Variants in CLVS2 observed in about 807,000 individuals in gnomAD.
CLVS2 encodes clavesin-2.
Under a neutral mutation model 29.0 loss-of-function variants are expected in CLVS2, and 19 were observed. The observed-to-expected ratio is 0.66, with a 90% CI of 0.46 to 0.96. The LOEUF is 0.96. Ranked by LOEUF, CLVS2 falls within the 40% of genes least tolerant of loss-of-function variation. CLVS2 has a pLI of 0.00. For synonymous variants in CLVS2, 161 were observed against 151.3 expected (o/e 1.06, Z -0.47); for missense variants, 294 against 404.1 (o/e 0.73, Z 2.34).
At position 122,997,805 on chromosome 6, in the gene CLVS2, C is replaced by T; in HGVS notation, c.28C>T (p.Pro10Ser). 6.2e-7 allele frequency: 1 copy of T among 1,614,030 alleles called. No homozygotes were observed. Residue 10 changes from proline (P) to serine (S), a missense_variant, in exon 2 of 6, where the codon CCT becomes TCT. Pro to Ser is a moderately conservative substitution (Grantham distance 74). Transcript: ENST00000275162. ...GACTCATTTGCAAGCCGGTCTCTCC[C>T]CTGAGACCCTGGAGAAAGCTCGCCT... MTHLQAGLS[P>S]ETLEKARLEL... is the part of the protein sequence containing the mutation.
chr6:123,007,173 T>C (rs1774681204), intron 2 of CLVS2, among the ~76,000 whole-genome samples: 1 of 152,188 alleles, frequency 6.6e-6, no homozygotes, highest in South Asian at 2.1e-4. Context: ...GAATATGTGA[T>C]TGTTGAAAAA....
chr6:123,032,408 C>T (rs183247796), intron 3 of CLVS2, among the ~76,000 whole-genome samples: 4 of 152,040 alleles, frequency 2.6e-5, no homozygotes, highest in Non-Finnish European at 5.9e-5. Flanking sequence ...TATAATGATA[C>T]TTACTTTATC....
intron 3 of CLVS2, among the ~76,000 whole-genome samples, chr6:123,012,695 A>C (rs1259283634): frequency 6.6e-6 from 1 of 152,040 alleles, no homozygotes; most frequent in African/African-American, 2.4e-5. Context: ...CTACACTCAG[A>C]TGAAACCTCT....
chr6:123,017,986 T>C (rs1215771799), intron 3 of CLVS2, among the ~76,000 whole-genome samples: 1 of 152,076 alleles, frequency 6.6e-6, no homozygotes, highest in Non-Finnish European at 1.5e-5. Flanking sequence ...AATTTAATAC[T>C]TCTACACCTT....
intron 2 of CLVS2, among the ~76,000 whole-genome samples, chr6:123,004,390 G>C (rs1774633739): frequency 6.6e-6 from 1 of 152,128 alleles, no homozygotes; most frequent in South Asian, 2.1e-4. Flanking sequence ...TTAAAGCAAG[G>C]CTCAGACATC....
chr6:123,001,305 G>C (rs1774586346), intron 2 of CLVS2, among the ~76,000 whole-genome samples: 1 of 152,078 alleles, frequency 6.6e-6, no homozygotes, highest in Non-Finnish European at 1.5e-5. Context: ...GTAAAGAATT[G>C]GATGATTTCC....
intron 2 of CLVS2, among the ~76,000 whole-genome samples, chr6:123,000,573 A>C (rs1247253704): frequency 6.6e-6 from 1 of 151,782 alleles, no homozygotes; most frequent in East Asian, 2.0e-4. Context: ...CTTGACTCCT[A>C]CAGAAGTCTG....
At position 123,072,820 on chromosome 6, in the gene CLVS2, T is replaced by C. The variant is rs1326872686; in HGVS notation, c.*9059T>C. 6.6e-6 allele frequency: 1 copy of C among 152,092 alleles called. No individual in the cohort carries two copies. Among genetic ancestry groups the C allele is most frequent in the African/African-American group, 2.4e-5 (1 of 41,442 alleles). The allele number at this position is 152,092 out of a possible 1,614,324, so 9.4% of individuals were successfully genotyped here. ...ATTGTTTATTATATTCTGAAAACCA[T>C]TATATTAATATTTTATTTCTTTTTT... is the stretch of plus-strand genomic sequence containing the variant. On this transcript the variant is annotated 3_prime_UTR_variant, in exon 6 of 6. Coordinates refer to ENST00000275162, the MANE Select transcript of CLVS2 (RefSeq NM_001010852.4).
At chr6:123,025,507 G>T (rs138652578) in intron 3 of CLVS2, among the ~76,000 whole-genome samples, 1 of 152,104 alleles carries the variant, frequency 6.6e-6, no homozygotes, top group Admixed American at 6.6e-5. Context: ...GAATCTGAGT[G>T]GTATAAAGGG....
chr6:123,021,059 G>GC (rs1774913374), intron 3 of CLVS2, among the ~76,000 whole-genome samples: 1 of 149,178 alleles, frequency 6.7e-6, no homozygotes, highest in South Asian at 2.2e-4. Flanking sequence ...TATGGGGGGG[G>GC]TAAAATTGCA....
At chr6:123,016,021 CTTTTTTTT>C (rs58103603) in intron 3 of CLVS2, among the ~76,000 whole-genome samples, 81 of 50,824 alleles carry the variant, frequency 1.6e-3, no homozygotes, top group Middle Eastern at 0.021. Flanking sequence ...CAACATCAGA[CTTTTTTTT>C]TTTTTTTTTT....
chr6:123,062,320 T>C (rs1193469154), intron 5 of CLVS2, among the ~76,000 whole-genome samples: 1 of 152,164 alleles, frequency 6.6e-6, no homozygotes, highest in Admixed American at 6.6e-5. Context: ...AAGATGATTA[T>C]GTATTATTGC....
intron 3 of CLVS2, among the ~76,000 whole-genome samples, chr6:123,033,571 G>A (rs1775111423): frequency 6.6e-6 from 1 of 151,932 alleles, no homozygotes; most frequent in African/African-American, 2.4e-5. Context: ...TAATTCAAAT[G>A]GATTATGTAT....
At chr6:123,059,417 T>A (rs1772743458) in intron 5 of CLVS2, among the ~76,000 whole-genome samples, 1 of 152,128 alleles carries the variant, frequency 6.6e-6, no homozygotes, top group Non-Finnish European at 1.5e-5. Flanking sequence ...ATTCTCTGAA[T>A]CCCCAGTGCC....
Position 123,067,437 on chromosome 6 carries a change from G to C in CLVS2, c.*3676G>C, listed in dbSNP as rs1772879620. Reference sequence around the variant, plus strand: ...CATTAAGAAAGCTTGCTGAGAGGCTGTACACTCTTCTGTTGTTTTATTTAA... The same window carrying C: ...CATTAAGAAAGCTTGCTGAGAGGCTCTACACTCTTCTGTTGTTTTATTTAA... On this transcript the variant is annotated 3_prime_UTR_variant, in exon 6 of 6. Transcript: ENST00000275162. The C allele has an allele frequency of 6.6e-6, 1 of 151,662 alleles. No homozygotes were observed. The highest frequency in any genetic ancestry group is 6.6e-5 in the Admixed American group (1 of 15,172). The allele number at this position is 151,662 out of a possible 1,614,324, so 9.4% of individuals were successfully genotyped here.
At chr6:123,016,529 G>A (rs1263746409) in intron 3 of CLVS2, among the ~76,000 whole-genome samples, 1 of 151,796 alleles carries the variant, frequency 6.6e-6, no homozygotes, top group Non-Finnish European at 1.5e-5. Flanking sequence ...GCCCTACTGG[G>A]TCTCTGTGCT....
At chr6:123,017,222 T>C (rs929815411) in intron 3 of CLVS2, among the ~76,000 whole-genome samples, 1 of 152,026 alleles carries the variant, frequency 6.6e-6, no homozygotes, top group African/African-American at 2.4e-5. Context: ...ACAGTGTTCT[T>C]TGCAGTGGTT....
intron 3 of CLVS2, among the ~76,000 whole-genome samples, chr6:123,034,751 G>C (rs1017407760): frequency 6.6e-6 from 1 of 151,992 alleles, no homozygotes; most frequent in Non-Finnish European, 1.5e-5. Flanking sequence ...ATATGAACAG[G>C]CTCCACAGAT....
In CLVS2 at chr6:123,011,013, A is replaced by G. The variant is rs1249173851; in HGVS notation, c.418A>G (p.Ile140Val). The G allele has an allele frequency of 1.9e-6, 3 of 1,606,084 alleles. No homozygotes were observed. Among genetic ancestry groups the G allele is most frequent in the Admixed American group, 1.7e-5 (1 of 59,126 alleles). ...CACACTGGTGGATATTTTGCGTGCC[A>G]TCTTACTTTCTTTAGAAGCCATGAT... The part of the protein sequence containing the change: ...RYTLVDILRA[I>V]LLSLEAMIED... The change falls in exon 3 of 6, where the codon ATC becomes GTC. Residue 140 changes from isoleucine (I) to valine (V), a missense_variant. By Grantham distance (29) the Ile-to-Val change is conservative (BLOSUM62 3). Coordinates refer to ENST00000275162, the MANE Select transcript of CLVS2 (RefSeq NM_001010852.4).
Sources: gnomAD v4.1 joint callset for allele counts (sites outside exome capture counted in the v4.1 genomes callset) on GRCh38, gnomAD v4.1.1 for gene constraint, MANE v1.5 for transcripts, NCBI Gene and HGNC (gene_info 2026-07-23, HGNC 2026-07-21) for gene names.